The following SNRPN variants were observed in gnomAD, a reference collection of about 807,000 sequenced individuals.
The protein encoded by SNRPN is small nuclear ribonucleoprotein-associated protein N.
SNRPN carries 7 observed loss-of-function variants against 25.2 expected under a neutral mutation model. The observed-to-expected ratio is 0.28, with a 90% confidence interval of 0.16 to 0.52. The LOEUF is 0.52. Among genes scored for constraint, SNRPN ranks in the 20% least tolerant of loss-of-function variants. The pLI, the probability that SNRPN is intolerant of heterozygous loss-of-function variation, is 0.96. For missense variants in SNRPN, 196 were observed against 322.5 expected (o/e 0.61, Z 3.00); for synonymous variants, 124 against 110.6 (o/e 1.12, Z -0.76).
intron 1 of SNRPN, among the ~76,000 whole-genome samples, chr15:24,861,039 G>A (rs556661482): frequency 6.6e-6 from 1 of 152,276 alleles, no homozygotes; most frequent in East Asian, 1.9e-4. Flanking sequence ...AACCTGGGAG[G>A]TGGAGGTTGC....
intron 3 of SNRPN, chr15:24,921,054 G>A (rs1021541008): frequency 6.6e-6 from 1 of 152,162 alleles, no homozygotes; most frequent in African/African-American, 2.4e-5. Flanking sequence ...GACAGTCCAT[G>A]ATTTGTCTGG....
chr15:24,889,409 T>C (rs1018372974), intron 2 of SNRPN, among the ~76,000 whole-genome samples: 4 of 151,940 alleles, frequency 2.6e-5, no homozygotes, highest in Non-Finnish European at 5.9e-5. Flanking sequence ...TTCAGGCCAT[T>C]CTCTTGCCTC....
chr15:24,828,643 A>T (rs976735316), intron 1 of SNRPN, among the ~76,000 whole-genome samples: 1 of 152,122 alleles, frequency 6.6e-6, no homozygotes, highest in Non-Finnish European at 1.5e-5. Flanking sequence ...GAGCCCAGGA[A>T]TTGGAGGCTG....
upstream of SNRPN, among the ~76,000 whole-genome samples, chr15:24,950,232 A>C (rs2062157525): frequency 6.6e-6 from 1 of 151,532 alleles, no homozygotes; most frequent in Non-Finnish European, 1.5e-5. Flanking sequence ...GCTGGAGTGC[A>C]ATGGCAGGGT....
At position 24,887,171 on chromosome 15, in the gene SNRPN, G is replaced by A. The variant is rs977575217; in HGVS notation, c.-505+582G>A. Reference sequence around the variant, plus strand: ...CTTTTTTTTTTTTTTTTTTTGAGACGGAGTCTTGCTCTGTTGCCCAGACTG... The same window carrying A: ...CTTTTTTTTTTTTTTTTTTTGAGACAGAGTCTTGCTCTGTTGCCCAGACTG... On this transcript the variant is annotated intron_variant, in intron 2 of 11. Coordinates refer to the SNRPN transcript ENST00000400097. 1.7e-4 allele frequency among the ~76,000 whole-genome samples: 24 copies of A among 139,420 alleles called. 3 individuals are homozygous for A. Among genetic ancestry groups the A allele is most frequent in the East Asian group, 1.3e-3 (6 of 4,760 alleles). The allele number at this position is 139,420 out of a possible 152,430, so 91.5% of individuals were successfully genotyped here. A position where few individuals can be genotyped will look rare whatever the true frequency, so the allele number is the denominator to read the frequency against.
chr15:24,972,128 C>T (rs982519839), intron 3 of SNRPN, among the ~76,000 whole-genome samples: 26 of 151,754 alleles, frequency 1.7e-4, no homozygotes, highest in South Asian at 4.2e-4. Context: ...TGGTGGCGGG[C>T]GCCTGTAATC....
intron 1 of SNRPN, among the ~76,000 whole-genome samples, chr15:24,870,487 C>T (rs2054989942): frequency 6.6e-6 from 1 of 152,148 alleles, no homozygotes; most frequent in Non-Finnish European, 1.5e-5. Flanking sequence ...TCCCCATTCC[C>T]ACTACTTGGT....
intron 2 of SNRPN, among the ~76,000 whole-genome samples, chr15:24,963,949 T>G (rs2075246038): frequency 1.3e-5 from 2 of 152,114 alleles, no homozygotes; most frequent in Non-Finnish European, 2.9e-5. Context: ...GAAGGGTCAC[T>G]TGATCCCAGG....
intron 1 of SNRPN, among the ~76,000 whole-genome samples, chr15:24,877,776 C>G (rs1024547079): frequency 6.6e-6 from 1 of 152,104 alleles, no homozygotes; most frequent in Non-Finnish European, 1.5e-5. Flanking sequence ...CGCTTGAACC[C>G]GGGAGGAGGA....
chr15:24,901,228 A>C (rs2058431489), intron 2 of SNRPN, among the ~76,000 whole-genome samples: 1 of 152,186 alleles, frequency 6.6e-6, no homozygotes, highest in Non-Finnish European at 1.5e-5. Context: ...TTATGTGATA[A>C]CTTTGCCAAA....
rs74325169 is a variant in SNRPN at position 24,880,036 on chromosome 15, C to T, written c.-578-6480C>T. 4.2e-3 allele frequency among the ~76,000 whole-genome samples: 647 copies of T among 152,264 alleles called. 4 individuals carry two copies. Among genetic ancestry groups the T allele is most frequent in the African/African-American group, 0.015 (618 of 41,552 alleles). Reference sequence around the variant, plus strand: ...ATAACTTCACAGTAATTTTCGTTTCCTTATGTCTCCTCTGGCCAATATTTT... The same window carrying T: ...ATAACTTCACAGTAATTTTCGTTTCTTTATGTCTCCTCTGGCCAATATTTT... On this transcript the variant is annotated intron_variant, in intron 1 of 11. Transcript: ENST00000400097.
chr15:24,897,527 G>T lies in SNRPN; in HGVS notation c.-505+10938G>T, dbSNP rs143401654. ...TTTAGCCCAGGAGTTCGTGGTTACA[G>T]TGAGCTATGATCACACCACTGCACT... On this transcript the variant is annotated intron_variant, in intron 2 of 11. Transcript: ENST00000400097. Among the ~76,000 whole-genome samples the T allele has an allele frequency of 4.8e-3, 735 of 152,304 alleles. 7 individuals are homozygous for T. Among genetic ancestry groups the T allele is most frequent in the African/African-American group, 0.017 (704 of 41,572 alleles).
At chr15:24,949,831 T>A (rs1323149249) in intron 3 of SNRPN, among the ~76,000 whole-genome samples, 2 of 151,818 alleles carry the variant, frequency 1.3e-5, no homozygotes, top group East Asian at 3.9e-4. Context: ...TTTTCTTTCT[T>A]TCTTTTTTTT....
intron 2 of SNRPN, among the ~76,000 whole-genome samples, chr15:24,917,351 T>C (rs148874821): frequency 6.6e-6 from 1 of 152,342 alleles, no homozygotes; most frequent in South Asian, 2.1e-4. Context: ...AATGGATGTA[T>C]GTTTTATAGT....
At chr15:24,904,610 G>T (rs559322695) in intron 2 of SNRPN, among the ~76,000 whole-genome samples, 1 of 151,376 alleles carries the variant, frequency 6.6e-6, no homozygotes, top group Non-Finnish European at 1.5e-5. Flanking sequence ...AGCCAAGATC[G>T]GGCCACTGCA....
chr15:24,867,519 C>G (rs1049681933), intron 1 of SNRPN, among the ~76,000 whole-genome samples: 1 of 144,268 alleles, frequency 6.9e-6, no homozygotes, highest in Non-Finnish European at 1.6e-5. Flanking sequence ...GGACTACAGG[C>G]GCCCGCCACC....
chr15:24,978,047 A>G (rs2077265165), intron 8 of SNRPN, 131 bp downstream of exon 8: 1 of 1,193,124 alleles, frequency 8.4e-7, no homozygotes, highest in South Asian at 1.5e-5. Context: ...GTTTTTAATG[A>G]AAGACATAGA....
At chr15:24,926,337 C>G (rs2060376873) in intron 3 of SNRPN, among the ~76,000 whole-genome samples, 1 of 152,046 alleles carries the variant, frequency 6.6e-6, no homozygotes, top group African/African-American at 2.4e-5. Context: ...GAAAGGCATA[C>G]AGTAAGAAGT....
intron 3 of SNRPN, among the ~76,000 whole-genome samples, chr15:24,971,040 C>T (rs1331126601): frequency 6.6e-6 from 1 of 150,964 alleles, no homozygotes; most frequent in African/African-American, 2.5e-5. Context: ...TTGGCCAACC[C>T]TAGTCATCTT....
Sources: gnomAD v4.1 joint callset for allele counts (sites outside exome capture counted in the v4.1 genomes callset) on GRCh38, gnomAD v4.1.1 for gene constraint, MANE v1.5 for transcripts, NCBI Gene and HGNC (gene_info 2026-07-23, HGNC 2026-07-21) for gene names.